BTBD9: variants seen among roughly 807,000 people sequenced by gnomAD.
BTBD9 encodes the protein BTB domain containing 9.
BTBD9 carries 49 observed loss-of-function variants against 64.3 expected under a neutral mutation model. The ratio of observed to expected loss-of-function variants is 0.76; its 90% CI spans 0.61 to 0.97. BTBD9 has a LOEUF of 0.97. Ranked by LOEUF, BTBD9 falls within the 50% of genes least tolerant of loss-of-function variation. The probability of loss-of-function intolerance (pLI) is 0.00; values close to 1 mark genes in which losing one functional copy is unlikely to be tolerated. For missense variants in BTBD9, 598 were observed against 762.1 expected, an observed-to-expected ratio of 0.78 and a Z score of 2.53; for synonymous variants, 260 against 274.7, an observed-to-expected ratio of 0.95 and a Z score of 0.53.
At chr6:38,551,044 T>G (rs1302088995) in intron 6 of BTBD9, among the ~76,000 whole-genome samples, 2 of 152,200 alleles carry the variant, frequency 1.3e-5, no homozygotes, top group Non-Finnish European at 2.9e-5. Flanking sequence ...AATCTTCAGG[T>G]CTTTACTCAG....
intron 6 of BTBD9, among the ~76,000 whole-genome samples, chr6:38,508,730 C>T (rs1772646959): frequency 6.6e-6 from 1 of 152,144 alleles, no homozygotes; most frequent in Non-Finnish European, 1.5e-5. Flanking sequence ...CTGCTGCTTG[C>T]CTCCGCTTCT....
intron 6 of BTBD9, among the ~76,000 whole-genome samples, chr6:38,497,830 C>A (rs1325052775): frequency 6.6e-6 from 1 of 152,174 alleles, no homozygotes; most frequent in East Asian, 1.9e-4. Context: ...TCTCTCAAGT[C>A]CCAGGCAGAA....
intron 9 of BTBD9, among the ~76,000 whole-genome samples, chr6:38,218,619 C>T (rs1763091618): frequency 6.6e-6 from 1 of 152,188 alleles, no homozygotes; most frequent in Admixed American, 6.5e-5. Context: ...GGCCCATGTC[C>T]AGGCCCTGAC....
intron 7 of BTBD9, among the ~76,000 whole-genome samples, chr6:38,334,534 A>G (rs1382852424): frequency 4.6e-5 from 7 of 152,018 alleles, no homozygotes; most frequent in Non-Finnish European, 2.9e-5. Flanking sequence ...GCACCACTGC[A>G]CTCCAGCCTG....
rs573416752 is a variant in BTBD9 at position 38,434,495 on chromosome 6, T to C, written c.1155-89402A>G. Among the ~76,000 whole-genome samples the C allele has an allele frequency of 2.6e-5, 4 of 152,080 alleles. No individual in the cohort carries two copies. In the East Asian group the frequency reaches 7.7e-4, roughly 29 times the overall value. On this transcript the variant is annotated intron_variant, in intron 6 of 10. Transcript: ENST00000481247. ...CCCACCTTTCTGGACCAAACCATTGTATTTCTTAAATGTATTTGATTGATG... is the reference window on the plus strand; with the variant it reads ...CCCACCTTTCTGGACCAAACCATTGCATTTCTTAAATGTATTTGATTGATG...
rs1304357424 is a variant in BTBD9, at chr6:38,221,739, TC to T, written c.1563-29143del. On this transcript the variant is annotated intron_variant, in intron 9 of 10. Transcript: ENST00000481247. ...CGGGTGCGGTGGCTCACGCCTGTAATCCCAGCACTTTGGTAGGCCGAGGCAG... is the reference window on the plus strand; with the variant it reads ...CGGGTGCGGTGGCTCACGCCTGTAATCCAGCACTTTGGTAGGCCGAGGCAG... Among the ~76,000 whole-genome samples the T allele has an allele frequency of 2.0e-5, 3 of 152,324 alleles. No homozygotes were observed. In the East Asian group the frequency reaches 5.8e-4, roughly 29 times the overall value.
intron 8 of BTBD9, among the ~76,000 whole-genome samples, chr6:38,266,630 GA>G (rs1765000083): frequency 1.2e-4 from 9 of 74,968 alleles, no homozygotes; most frequent in African/African-American, 5.3e-4. Context: ...AAGAAAGAAA[GA>G]AAGAAAGAAA....
At chr6:38,461,109 T>C (rs1410795997) in intron 6 of BTBD9, among the ~76,000 whole-genome samples, 3 of 152,272 alleles carry the variant, frequency 2.0e-5, no homozygotes, top group African/African-American at 7.2e-5. Context: ...GTAAGTTTTA[T>C]AGTTACAGAC....
At chr6:38,244,571 C>T (rs1405224009) in intron 9 of BTBD9, among the ~76,000 whole-genome samples, 4 of 151,972 alleles carry the variant, frequency 2.6e-5, no homozygotes, top group Non-Finnish European at 4.4e-5. Flanking sequence ...AATTTCTGAA[C>T]TGAAAGGGGC....
chr6:38,294,881 CA>C, intron 7 of BTBD9, among the ~76,000 whole-genome samples: 1 of 151,114 alleles, frequency 6.6e-6, no homozygotes, highest in South Asian at 2.1e-4. Context: ...ACATCCTCAC[CA>C]ACTCCTGGTA....
chr6:38,317,934 CTTTTTTTTT>C (rs34109121), intron 7 of BTBD9, among the ~76,000 whole-genome samples: 1 of 128,854 alleles, frequency 7.8e-6, no homozygotes, highest in African/African-American at 3.0e-5. Flanking sequence ...CTCAAAATAG[CTTTTTTTTT>C]TTTTTTTTTG....
At chr6:38,276,062 C>T (rs574018413) in intron 8 of BTBD9, among the ~76,000 whole-genome samples, 21 of 152,058 alleles carry the variant, frequency 1.4e-4, no homozygotes, top group African/African-American at 3.1e-4. Context: ...ATGTTTATTG[C>T]GGCACTATTC....
chr6:38,599,442 T>C (rs1777171547), intron 1 of BTBD9, among the ~76,000 whole-genome samples: 2 of 152,172 alleles, frequency 1.3e-5, no homozygotes, highest in Admixed American at 1.3e-4. Context: ...TACACCATCA[T>C]GGCCAGCTAA....
At chr6:38,545,837 A>AACAC (rs1233030307) in intron 6 of BTBD9, among the ~76,000 whole-genome samples, 59 of 112,826 alleles carry the variant, frequency 5.2e-4, no homozygotes, top group East Asian at 1.9e-3. Flanking sequence ...TAATATTTAA[A>AACAC]ACACACACAC....
At chr6:38,621,432 C>T (rs1000321382) in intron 1 of BTBD9, among the ~76,000 whole-genome samples, 1 of 152,098 alleles carries the variant, frequency 6.6e-6, no homozygotes, top group African/African-American at 2.4e-5. Context: ...CTGACCTTAA[C>T]CTATATACTG....
intron 6 of BTBD9, among the ~76,000 whole-genome samples, chr6:38,413,383 T>C (rs1767522776): frequency 6.6e-6 from 1 of 152,238 alleles, no homozygotes; most frequent in African/African-American, 2.4e-5. Flanking sequence ...CAGCTGGTGA[T>C]TTGGATATTT....
At chr6:38,343,780 C>T (rs1582263472) in intron 7 of BTBD9, among the ~76,000 whole-genome samples, 1 of 152,126 alleles carries the variant, frequency 6.6e-6, no homozygotes, top group Admixed American at 6.5e-5. Context: ...TAAACACTCT[C>T]TATATTGGAA....
intron 6 of BTBD9, among the ~76,000 whole-genome samples, chr6:38,388,579 T>G (rs1359178678): frequency 6.6e-6 from 1 of 152,224 alleles, no homozygotes; most frequent in East Asian, 1.9e-4. Flanking sequence ...CTCACTGTAT[T>G]ACCAGAGTTC....
chr6:38,233,491 T>C (rs1262943776), intron 9 of BTBD9, among the ~76,000 whole-genome samples: 1 of 152,218 alleles, frequency 6.6e-6, no homozygotes, highest in Non-Finnish European at 1.5e-5. Flanking sequence ...ACACCCCTTA[T>C]GCCCATTCTA....
Sources: gnomAD v4.1 joint callset for allele counts (sites outside exome capture counted in the v4.1 genomes callset) on GRCh38, gnomAD v4.1.1 for gene constraint, MANE v1.5 for transcripts, NCBI Gene and HGNC (gene_info 2026-07-23, HGNC 2026-07-21) for gene names.